PPP6R3: variants seen among roughly 807,000 people sequenced by gnomAD.
PPP6R3 encodes protein phosphatase 6 regulatory subunit 3, also known as serine/threonine-protein phosphatase 6 regulatory subunit 3.
PPP6R3 carries 38 observed loss-of-function variants against 110.7 expected under a neutral mutation model. That is an observed-to-expected ratio of 0.34 (90% CI 0.26 to 0.45). The LOEUF is 0.45. Ranked by LOEUF, PPP6R3 falls within the 20% of genes least tolerant of loss-of-function variation. PPP6R3 has a pLI of 1.00. For synonymous variants in PPP6R3, 369 were observed against 373.5 expected (o/e 0.99, Z 0.14); for missense variants, 870 against 1,062.4 (o/e 0.82, Z 2.52).
rs150949414 is a variant in PPP6R3, at chr11:68,532,623, C to T, written c.-6-5036C>T. On this transcript the variant is annotated intron_variant, in intron 2 of 23. Coordinates refer to ENST00000393800, the MANE Select transcript of PPP6R3 (RefSeq NM_001164161.2). ...GATTATAATGGGGCTGAAAAATTCC[C>T]GTCACCTAATGACTGATACGAATGA... 7.0e-4 allele frequency among the ~76,000 whole-genome samples: 107 copies of T among 152,234 alleles called. No homozygotes were observed. In the Middle Eastern group the frequency reaches 0.014, roughly 19 times the overall value.
chr11:68,470,195 T>C (rs1445203567), intron 1 of PPP6R3, among the ~76,000 whole-genome samples: 1 of 152,216 alleles, frequency 6.6e-6, no homozygotes, highest in Admixed American at 6.5e-5. Flanking sequence ...AGTAGCCATA[T>C]GGTAATACAA....
In PPP6R3 at chr11:68,544,828, G is replaced by A; in HGVS notation, c.228-10G>A. The A allele has an allele frequency of 6.4e-7, 1 of 1,557,676 alleles. No homozygotes were observed. Among genetic ancestry groups the A allele is most frequent in the African/African-American group, 1.4e-5 (1 of 73,638 alleles). On this transcript the variant is annotated splice_polypyrimidine_tract_variant and intron_variant, in intron 3 of 23. Transcript: ENST00000393800. ...ATAAAGATGATGATGTAAATATCCT[G>A]TTCTTCTAGGTATCCAAATATATCT...
rs113945723 is a variant in PPP6R3, at chr11:68,615,002, G to C, written c.*1885G>C. The C allele has an allele frequency of 1.8e-6, 1 of 542,934 alleles. No homozygotes were observed. The allele number at this position is 542,934 out of a possible 1,614,324, so 33.6% of individuals were successfully genotyped here. A position where few individuals can be genotyped will look rare whatever the true frequency, so the allele number is the denominator to read the frequency against. ...GCTTCTCCATCCCACTGTGGCCTCT[G>C]TGGTATGGACCTGGTGGCTTCTCCA... On this transcript the variant is annotated 3_prime_UTR_variant, in exon 24 of 24. Coordinates refer to ENST00000393800, the MANE Select transcript of PPP6R3 (RefSeq NM_001164161.2).
chr11:68,498,252 A>G (rs962891344), intron 1 of PPP6R3, among the ~76,000 whole-genome samples: 1 of 152,142 alleles, frequency 6.6e-6, no homozygotes, highest in Non-Finnish European at 1.5e-5. Context: ...AACTTGTTTT[A>G]TTAGGGGTAA....
At chr11:68,490,697 T>C (rs923980187) in intron 1 of PPP6R3, among the ~76,000 whole-genome samples, 4 of 152,146 alleles carry the variant, frequency 2.6e-5, no homozygotes, top group African/African-American at 9.7e-5. Flanking sequence ...CATATCCTAA[T>C]GCTCAGATTC....
intron 1 of PPP6R3, among the ~76,000 whole-genome samples, chr11:68,510,414 G>A (rs72936527): frequency 1.3e-5 from 2 of 151,846 alleles, no homozygotes; most frequent in African/African-American, 2.4e-5. Context: ...ACAGTTTACC[G>A]TAGCCTCAAC....
rs567701501 is a variant in PPP6R3, at chr11:68,581,811, C to G, written c.1546-1232C>G. ...TCACGGAATCTACCTTTGATTTCAT[C>G]AGGCCAGATTCACAAACAGAATGGG... On this transcript the variant is annotated intron_variant, in intron 14 of 23. Transcript: ENST00000393800. Among the ~76,000 whole-genome samples the G allele has an allele frequency of 4.7e-4, 71 of 152,334 alleles. 2 individuals are homozygous for G. The South Asian group carries it at 0.015, about 32-fold the overall frequency.
At chr11:68,554,060 C>T in intron 6 of PPP6R3, 85 bp from the exon 7 acceptor site, 2 of 1,044,632 alleles carry the variant, frequency 1.9e-6, no homozygotes, top group South Asian at 3.2e-5. Flanking sequence ...TTTGTTATTT[C>T]TTAAATAACT....
intron 2 of PPP6R3, among the ~76,000 whole-genome samples, chr11:68,525,484 A>G (rs2099191950): frequency 6.6e-6 from 1 of 152,230 alleles, no homozygotes; most frequent in Admixed American, 6.5e-5. Flanking sequence ...GTTAGGTTGC[A>G]TACTGTAAAA....
At chr11:68,551,024 T>G (rs2099370240) in intron 5 of PPP6R3, 97 bp from the exon 6 acceptor site, 2 of 883,190 alleles carry the variant, frequency 2.3e-6, no homozygotes, top group Non-Finnish European at 3.6e-6. Context: ...AACATTCTAC[T>G]TAAAATGTGA....
At position 68,534,202 on chromosome 11, in the gene PPP6R3, T is replaced by C. The variant is rs543670622; in HGVS notation, c.-6-3457T>C. On this transcript the variant is annotated intron_variant, in intron 2 of 23. Coordinates refer to ENST00000393800, the MANE Select transcript of PPP6R3 (RefSeq NM_001164161.2). ...TGGGCAGGGCGCAAGGGCTGTGGGG[T>C]AGACGTTGGGTGGATTCAGGAGACT... is the stretch of plus-strand genomic sequence containing the variant. 2.0e-5 allele frequency among the ~76,000 whole-genome samples: 3 copies of C among 152,166 alleles called. No homozygotes were observed. In the East Asian group the frequency reaches 5.8e-4, roughly 29 times the overall value.
rs749347101 is a variant in PPP6R3 at position 68,613,108 on chromosome 11, C to T, written c.2613C>T (p.Gly871=). The T allele has an allele frequency of 1.9e-6, 3 of 1,614,088 alleles. No individual in the cohort carries two copies. Among genetic ancestry groups the T allele is most frequent in the Non-Finnish European group, 2.5e-6 (3 of 1,180,008 alleles). The change falls in exon 24 of 24, where the codon GGC becomes GGT. Residue 871 remains glycine (G), a synonymous_variant. Coordinates refer to ENST00000393800, the MANE Select transcript of PPP6R3 (RefSeq NM_001164161.2). ...CACCAGGTGACACTTCAGTGAATGG[C>T]CCTGTATGACGGGTGACGTCTGCTG... is the stretch of plus-strand genomic sequence containing the variant. ...PSAPGDTSVN[G]PV
chr11:68,585,443 A>G (rs1299212560), intron 15 of PPP6R3, among the ~76,000 whole-genome samples: 1 of 152,224 alleles, frequency 6.6e-6, no homozygotes, highest in Non-Finnish European at 1.5e-5. Context: ...CTCACTTCTC[A>G]GTGACTTGAA....
intron 18 of PPP6R3, among the ~76,000 whole-genome samples, chr11:68,595,726 AAAGACAGTT>A (rs2099611912): frequency 2.6e-5 from 4 of 152,372 alleles, no homozygotes; most frequent in African/African-American, 9.6e-5. Flanking sequence ...AAAAGTGTGA[AAAGACAGTT>A]AAGATATAAG....
At chr11:68,496,146 TCTCTGG>T (rs1317390916) in intron 1 of PPP6R3, among the ~76,000 whole-genome samples, 2 of 151,898 alleles carry the variant, frequency 1.3e-5, no homozygotes, top group African/African-American at 4.8e-5. Flanking sequence ...TATGCCACCA[TCTCTGG>T]CTAATTTTTT....
chr11:68,464,260 T>C (rs1339354374), intron 1 of PPP6R3, among the ~76,000 whole-genome samples: 1 of 152,072 alleles, frequency 6.6e-6, no homozygotes, highest in Non-Finnish European at 1.5e-5. Context: ...GCCTCCCTAG[T>C]GGCGGGGATT....
At chr11:68,531,842 G>A (rs1217370451) in intron 2 of PPP6R3, among the ~76,000 whole-genome samples, 3 of 152,158 alleles carry the variant, frequency 2.0e-5, no homozygotes, top group African/African-American at 7.2e-5. Context: ...AGGCCTCAGG[G>A]CTAGCCAATA....
At chr11:68,522,111 C>T (rs1390776311) in intron 2 of PPP6R3, among the ~76,000 whole-genome samples, 2 of 152,202 alleles carry the variant, frequency 1.3e-5, no homozygotes, top group African/African-American at 2.4e-5. Context: ...TCTCTTGATA[C>T]TTGCTTTTTA....
chr11:68,474,122 A>G (rs377137037), intron 1 of PPP6R3, among the ~76,000 whole-genome samples: 47 of 149,862 alleles, frequency 3.1e-4, no homozygotes, highest in African/African-American at 1.1e-3. Context: ...ATAGCTTACT[A>G]CAGCTTCAAA....
Sources: gnomAD v4.1 joint callset for allele counts (sites outside exome capture counted in the v4.1 genomes callset) on GRCh38, gnomAD v4.1.1 for gene constraint, MANE v1.5 for transcripts, NCBI Gene and HGNC (gene_info 2026-07-23, HGNC 2026-07-21) for gene names.